The following AASS variants were observed in gnomAD, a reference collection of about 807,000 sequenced individuals.
The protein encoded by AASS is alpha-aminoadipic semialdehyde synthase, mitochondrial.
Under a neutral mutation model 105.4 loss-of-function variants are expected in AASS, and 86 were observed. That is an observed-to-expected ratio of 0.82 (90% CI 0.69 to 0.98). The LOEUF (loss-of-function observed/expected upper bound fraction) is 0.98. Ranked by LOEUF, AASS falls within the 50% of genes least tolerant of loss-of-function variation. The probability of loss-of-function intolerance (pLI) is 0.00; values close to 1 mark genes in which losing one functional copy is unlikely to be tolerated. For synonymous variants in AASS, 381 were observed against 394.8 expected, an observed-to-expected ratio of 0.96 and a Z score of 0.41; for missense variants, 1,048 against 1,143.2, an observed-to-expected ratio of 0.92 and a Z score of 1.20.
At chr7:122,118,178 T>C in intron 6 of AASS, 129 bp downstream of exon 6, 1 of 992,142 alleles carries the variant, frequency 1.0e-6, no homozygotes, top group Admixed American at 2.1e-5. Context: ...GAAAAATACA[T>C]TGGTAAGAAA....
Position 122,076,416 on chromosome 7 carries a change from A to G in AASS, c.*73T>C. 1.0e-6 allele frequency: 1 copy of G among 1,002,844 alleles called. No individual in the cohort carries two copies. Among genetic ancestry groups the G allele is most frequent in the South Asian group, 1.3e-5 (1 of 78,704 alleles). 62.1% of individuals were successfully genotyped at this position (1,002,844 alleles called of 1,614,324 possible). On this transcript the variant is annotated 3_prime_UTR_variant, in exon 24 of 24. Coordinates refer to ENST00000417368, the MANE Select transcript of AASS (RefSeq NM_005763.4). Reference sequence around the variant, plus strand: ...GCTTTATACTTTAAAACAGCACATTAGCAAACCCATTTATCACACACATGT... The same window carrying G: ...GCTTTATACTTTAAAACAGCACATTGGCAAACCCATTTATCACACACATGT...
rs1026254586 is a variant in AASS at position 122,075,349 on chromosome 7, C to T, written c.*1140G>A. Among the ~76,000 whole-genome samples the T allele has an allele frequency of 2.0e-5, 3 of 152,184 alleles. No homozygotes were observed. The highest frequency in any genetic ancestry group is 7.2e-5 in the African/African-American group (3 of 41,446). On this transcript the variant is annotated 3_prime_UTR_variant, in exon 24 of 24. Coordinates refer to ENST00000417368, the MANE Select transcript of AASS (RefSeq NM_005763.4). The stretch of plus-strand genomic sequence containing the variant: ...TAGTTTTCCCTTGGATTACTATGCA[C>T]AAAACCACCATATCGTCTCCCATCT...
rs184312289 is a variant in AASS, at chr7:122,112,942, G to T, written c.1278+176C>A. Reference sequence around the variant, plus strand: ...GCAGTGATATCATCCTATACCCCAAGAGACAAGTAAGCAGAATATGTCAAA... The same window carrying T: ...GCAGTGATATCATCCTATACCCCAATAGACAAGTAAGCAGAATATGTCAAA... On this transcript the variant is annotated intron_variant, in intron 11 of 23. Transcript: ENST00000417368. Among the ~76,000 whole-genome samples, 28 of 152,272 alleles carry T rather than the reference G, an allele frequency of 1.8e-4. No individual in the cohort carries two copies. The East Asian group carries it at 4.6e-3, about 25-fold the overall frequency.
chr7:122,091,730 C>T lies in AASS; in HGVS notation c.1989G>A (p.Gln663=), dbSNP rs377317222. Residue 663 remains glutamine (Q), a synonymous_variant, in exon 18 of 24, where the codon CAG becomes CAA. Transcript: ENST00000417368. ...SPVGVLMNVM[Q]SATYLLDGKV... ...TTCCATCGAGCAGATAGGTGGCAGA[C>T]TGCATTACATTCATCAAAACTCCCA... 1.2e-6 allele frequency: 2 copies of T among 1,613,470 alleles called. No individual in the cohort carries two copies. Among genetic ancestry groups the T allele is most frequent in the Non-Finnish European group, 1.7e-6 (2 of 1,179,626 alleles).
In AASS at chr7:122,095,327, G is replaced by A. The variant is rs186142291; in HGVS notation, c.1656-2169C>T. ...GCTGTGGTATAATAATTTGGCTCTG[G>A]GACTGCATAATCAAAAGAAATTAAA... On this transcript the variant is annotated intron_variant, in intron 15 of 23. Coordinates refer to ENST00000417368, the MANE Select transcript of AASS (RefSeq NM_005763.4). 2.8e-3 allele frequency among the ~76,000 whole-genome samples: 427 copies of A among 151,864 alleles called. 4 individuals carry two copies. The highest frequency in any genetic ancestry group is 4.8e-3 in the South Asian group (23 of 4,792).
intron 18 of AASS, among the ~76,000 whole-genome samples, chr7:122,089,120 G>C (rs948202677): frequency 1.3e-5 from 2 of 152,002 alleles, no homozygotes; most frequent in African/African-American, 4.8e-5. Context: ...CTTAAGACCC[G>C]CTCCACAGTG....
intron 11 of AASS, among the ~76,000 whole-genome samples, chr7:122,105,392 T>C (rs1794622544): frequency 6.6e-6 from 1 of 152,020 alleles, no homozygotes; most frequent in African/African-American, 2.4e-5. Context: ...AATAGATAAA[T>C]ATAGAACTTT....
Position 122,098,543 on chromosome 7 carries a change from C to T in AASS, c.1562G>A (p.Gly521Asp). The change falls in exon 15 of 24, where the codon GGC (glycine) becomes GAC (aspartate). Residue 521 changes from glycine (G) to aspartate (D), a missense_variant. Transcript: ENST00000417368. ...AACAGGATTAATATTATATTTCTTG[C>T]CTAACTGTTCAATTTGATTCTTCAT... Reference protein sequence around the residue: ...SDMKNQIEQLGKKYNINPVSM... With the variant: ...SDMKNQIEQLDKKYNINPVSM... The T allele has an allele frequency of 1.2e-6, 2 of 1,610,242 alleles. No individual in the cohort carries two copies. The highest frequency in any genetic ancestry group is 1.7e-6 in the Non-Finnish European group (2 of 1,177,562).
intron 2 of AASS, among the ~76,000 whole-genome samples, chr7:122,129,902 G>T (rs1321592661): frequency 6.6e-6 from 1 of 152,062 alleles, no homozygotes; most frequent in Non-Finnish European, 1.5e-5. Flanking sequence ...TTTATTAGTT[G>T]TATTTTTAAA....
intron 18 of AASS, among the ~76,000 whole-genome samples, chr7:122,086,821 T>C (rs1793650911): frequency 6.6e-6 from 1 of 152,158 alleles, no homozygotes; most frequent in Admixed American, 6.5e-5. Flanking sequence ...TCGCACAAAT[T>C]GTGAAGGGAA....
chr7:122,083,858 A>G (rs1793496245), intron 19 of AASS, among the ~76,000 whole-genome samples: 1 of 152,080 alleles, frequency 6.6e-6, no homozygotes. Flanking sequence ...CTCATCTCCA[A>G]TACTGGAAAG....
At chr7:122,128,057 G>A (rs1329099993) in intron 3 of AASS, among the ~76,000 whole-genome samples, 2 of 152,098 alleles carry the variant, frequency 1.3e-5, no homozygotes, top group African/African-American at 4.8e-5. Flanking sequence ...GCCAAAACCT[G>A]GAGTCATTCC....
At chr7:122,121,959 G>A (rs1280597941) in intron 4 of AASS, among the ~76,000 whole-genome samples, 1 of 152,074 alleles carries the variant, frequency 6.6e-6, no homozygotes. Flanking sequence ...ATTATAAGTT[G>A]TTTGTTTTCT....
chr7:122,139,683 C>A (rs1422836662), intron 1 of AASS, among the ~76,000 whole-genome samples: 1 of 152,162 alleles, frequency 6.6e-6, no homozygotes, highest in Non-Finnish European at 1.5e-5. Flanking sequence ...TTTGGCCAAG[C>A]ACAGTGGCTT....
intron 1 of AASS, among the ~76,000 whole-genome samples, chr7:122,140,741 A>C (rs1300566546): frequency 1.3e-5 from 2 of 152,000 alleles, no homozygotes; most frequent in Non-Finnish European, 2.9e-5. Flanking sequence ...CTGAATGACA[A>C]ATTATTTGCA....
chr7:122,086,059 C>A lies in AASS; in HGVS notation c.2137G>T (p.Gly713Cys), dbSNP rs1048008741. The change falls in exon 19 of 24, where the codon GGC becomes TGC. Residue 713 changes from glycine (G) to cysteine (C), a missense_variant. Transcript: ENST00000417368. ...RDSTKYAEIY[G>C]ISSAHTLLRG... Reference sequence around the variant, plus strand: ...AACAAAGTGTGAGCAGAAGAAATGCCATAAATCTCAGCATATTTCGTACTG... The same window carrying A: ...AACAAAGTGTGAGCAGAAGAAATGCAATAAATCTCAGCATATTTCGTACTG... The A allele has an allele frequency of 6.2e-7, 1 of 1,613,558 alleles. No individual in the cohort carries two copies. Among genetic ancestry groups the A allele is most frequent in the Non-Finnish European group, 8.5e-7 (1 of 1,179,756 alleles).
intron 18 of AASS, among the ~76,000 whole-genome samples, chr7:122,090,113 C>A (rs766963694): frequency 6.6e-6 from 1 of 152,140 alleles, no homozygotes; most frequent in South Asian, 2.1e-4. Flanking sequence ...AGGAAACTGA[C>A]ATCCGGTAGA....
At chr7:122,139,750 C>G (rs1008124409) in intron 1 of AASS, among the ~76,000 whole-genome samples, 1 of 151,874 alleles carries the variant, frequency 6.6e-6, no homozygotes, top group African/African-American at 2.4e-5. Context: ...CTGAGGAGTT[C>G]GAGACCAGCC....
rs771118183 is a variant in AASS, at chr7:122,098,488, C to G, written c.1617G>C (p.Lys539Asn). The change falls in exon 15 of 24, where the codon AAG (lysine) becomes AAC (asparagine). Residue 539 changes from lysine (K) to asparagine (N), a missense_variant. By Grantham distance (94) the Lys-to-Asn change is moderately conservative (BLOSUM62 0). Coordinates refer to ENST00000417368, the MANE Select transcript of AASS (RefSeq NM_005763.4). ...VSMDICKQEE[K>N]LGFLVAKQDL... ...CCTGTTTTGCCACCAAGAAGCCCAG[C>G]TTCTCTTCTTGTTTACAAATGTCCA... 6.2e-7 allele frequency: 1 copy of G among 1,612,318 alleles called. No individual in the cohort carries two copies. The highest frequency in any genetic ancestry group is 2.2e-5 in the East Asian group (1 of 44,810).
Sources: allele counts gnomAD v4.1 joint callset (sites outside exome capture counted in the v4.1 genomes callset), GRCh38; gene constraint gnomAD v4.1.1; transcripts MANE v1.5; gene names NCBI Gene and HGNC (gene_info 2026-07-23, HGNC 2026-07-21).